Variants in NIPA2 observed in about 807,000 individuals in gnomAD.
The protein encoded by NIPA2 is magnesium transporter NIPA2.
Under a neutral mutation model 29.7 loss-of-function variants are expected in NIPA2, and 11 were observed. The observed-to-expected ratio is 0.37, with a 90% CI of 0.23 to 0.61. The LOEUF (loss-of-function observed/expected upper bound fraction) is 0.61. Ranked by LOEUF, NIPA2 falls within the 20% of genes least tolerant of loss-of-function variation. The pLI, the probability that NIPA2 is intolerant of heterozygous loss-of-function variation, is 0.66. For synonymous variants in NIPA2, 183 were observed against 161.9 expected (o/e 1.13, Z -0.99); for missense variants, 426 against 437.9 (o/e 0.97, Z 0.24).
In NIPA2 at chr15:22,866,932, CAA is replaced by C; in HGVS notation, c.*87_*88del. The C allele has an allele frequency of 7.9e-7, 1 of 1,271,240 alleles. No individual in the cohort carries two copies. Among genetic ancestry groups the C allele is most frequent in the Non-Finnish European group, 1.1e-6 (1 of 926,870 alleles). The allele number at this position is 1,271,240 out of a possible 1,614,324, so 78.7% of individuals were successfully genotyped here. Reference sequence around the variant, plus strand: ...AATGTGTCTGAAAAAACATTGTCCTCAAATAATGTTCTTTAAAGGCAATCTTT... The same window carrying C: ...AATGTGTCTGAAAAAACATTGTCCTCATAATGTTCTTTAAAGGCAATCTTT... On this transcript the variant is annotated 3_prime_UTR_variant, in exon 8 of 8. Transcript: ENST00000337451.
chr15:22,854,253 G>C (rs2058015421), intron 5 of NIPA2, among the ~76,000 whole-genome samples: 1 of 151,720 alleles, frequency 6.6e-6, no homozygotes, highest in Admixed American at 6.6e-5. Context: ...TCATCCTCCT[G>C]AGTAGCTGGA....
intron 5 of NIPA2, among the ~76,000 whole-genome samples, chr15:22,854,874 C>T (rs895042917): frequency 5.3e-5 from 8 of 152,050 alleles, no homozygotes; most frequent in Admixed American, 1.3e-4. Context: ...TTAAATGGAA[C>T]GACAAGGCTT....
rs548460869 is a variant in NIPA2 at position 22,850,424 on chromosome 15, G to A, written c.-93-1215G>A. Reference sequence around the variant, plus strand: ...CAAGCGGCAAATCAGGGGTGAGGGAGAATAGTCTTCTCATTGAATCATACA... The same window carrying A: ...CAAGCGGCAAATCAGGGGTGAGGGAAAATAGTCTTCTCATTGAATCATACA... On this transcript the variant is annotated intron_variant, in intron 3 of 7. Coordinates refer to ENST00000337451, the MANE Select transcript of NIPA2 (RefSeq NM_030922.7). Among the ~76,000 whole-genome samples the A allele has an allele frequency of 1.2e-3, 179 of 152,282 alleles. 2 individuals carry two copies. Among genetic ancestry groups the A allele is most frequent in the African/African-American group, 4.0e-3 (167 of 41,548 alleles).
intron 5 of NIPA2, among the ~76,000 whole-genome samples, 188 bp downstream of exon 5, chr15:22,853,456 C>T (rs2057929275): frequency 6.6e-6 from 1 of 151,522 alleles, no homozygotes; most frequent in East Asian, 1.9e-4. Context: ...TCAGTGCAAC[C>T]TCCACCTCCT....
intron 3 of NIPA2, among the ~76,000 whole-genome samples, chr15:22,846,146 A>G (rs1357996199): frequency 2.0e-5 from 3 of 152,190 alleles, no homozygotes; most frequent in Admixed American, 1.3e-4. Flanking sequence ...ACGGAGAACC[A>G]GGGGCTGCGG....
chr15:22,866,371 A>G lies in NIPA2; in HGVS notation c.607A>G (p.Ile203Val), dbSNP rs1350531883. ...CTGTGTGAAGGGCCTGGGCATTGCT[A>G]TCAAGGAGCTGTTTGCAGGGAAGCC... is the stretch of plus-strand genomic sequence containing the variant. ...VSCVKGLGIA[I>V]KELFAGKPVL... The change falls in exon 8 of 8, where the codon ATC (isoleucine) becomes GTC (valine). Residue 203 changes from isoleucine (I) to valine (V), a missense_variant. Ile to Val is a conservative substitution (Grantham distance 29). This residue lies in a region of NIPA2 where 357 missense variants were observed against 339.8 expected (regional missense o/e 1.05). Transcript: ENST00000337451. 3 of 1,613,958 alleles carry G rather than the reference A, an allele frequency of 1.9e-6. No homozygotes were observed. Among genetic ancestry groups the G allele is most frequent in the Non-Finnish European group, 2.5e-6 (3 of 1,179,996 alleles).
chr15:22,846,592 C>T (rs1386123864), intron 3 of NIPA2, among the ~76,000 whole-genome samples: 3 of 151,956 alleles, frequency 2.0e-5, no homozygotes, highest in African/African-American at 4.8e-5. Context: ...GCAGGCAGAT[C>T]GCTTGAGCTC....
chr15:22,843,993 G>A (rs891208688), intron 2 of NIPA2, among the ~76,000 whole-genome samples: 7 of 152,024 alleles, frequency 4.6e-5, no homozygotes, highest in South Asian at 2.1e-4. Flanking sequence ...CGCCGTGCTC[G>A]GCCCAGTTGG....
intron 3 of NIPA2, among the ~76,000 whole-genome samples, chr15:22,846,904 T>TG (rs1163890685): frequency 2.7e-5 from 4 of 146,988 alleles, no homozygotes; most frequent in Admixed American, 2.0e-4. Context: ...TTGTTGTTGT[T>TG]TTTTTTTTGT....
chr15:22,867,340 T>TATTA lies in NIPA2; in HGVS notation c.*495_*498dup, dbSNP rs2059169367. ...TGATTGGTTTTATTTTTGAAATATT[T>TATTA]ATTAAGGGAAAACTAAGTTACTGAA... is the stretch of plus-strand genomic sequence containing the variant. On this transcript the variant is annotated 3_prime_UTR_variant, in exon 8 of 8. Transcript: ENST00000337451. 1.0e-5 allele frequency: 4 copies of TATTA among 396,296 alleles called. No individual in the cohort carries two copies. The South Asian group carries it at 4.0e-4, about 39-fold the overall frequency. 24.5% of individuals were successfully genotyped at this position (396,296 alleles called of 1,614,324 possible).
At chr15:22,855,884 G>A (rs904796290) in intron 5 of NIPA2, among the ~76,000 whole-genome samples, 1 of 152,162 alleles carries the variant, frequency 6.6e-6, no homozygotes, top group African/African-American at 2.4e-5. Flanking sequence ...GTGATACATA[G>A]CCCTCAGTGA....
At chr15:22,843,051 G>T (rs1230464316) in intron 2 of NIPA2, among the ~76,000 whole-genome samples, 3 of 151,782 alleles carry the variant, frequency 2.0e-5, no homozygotes, top group Non-Finnish European at 4.4e-5. Flanking sequence ...AACAAATGAT[G>T]CAGGGTCTTT....
chr15:22,856,829 C>T (rs75224931), intron 5 of NIPA2, among the ~76,000 whole-genome samples: 133 of 152,272 alleles, frequency 8.7e-4, no homozygotes, highest in African/African-American at 3.0e-3. Context: ...AGCTCTCATA[C>T]GCTGCTAAAT....
intron 2 of NIPA2, among the ~76,000 whole-genome samples, chr15:22,844,655 T>C (rs1388201765): frequency 6.6e-6 from 1 of 151,936 alleles, no homozygotes; most frequent in Non-Finnish European, 1.5e-5. Context: ...TTTGAGCAGC[T>C]GAGGTCAGAG....
chr15:22,862,013 A>C (rs1276553292), intron 7 of NIPA2, among the ~76,000 whole-genome samples: 1 of 148,092 alleles, frequency 6.8e-6, no homozygotes, highest in Non-Finnish European at 1.5e-5. Flanking sequence ...TTGGGATTAC[A>C]GGTGTGAGCC....
At chr15:22,863,301 C>T (rs984921385) in intron 7 of NIPA2, among the ~76,000 whole-genome samples, 4 of 152,068 alleles carry the variant, frequency 2.6e-5, no homozygotes, top group Admixed American at 6.5e-5. Context: ...CTGGGCTGGT[C>T]TCAACCTACT....
Position 22,866,222 on chromosome 15 carries a change from TCTTTG to T in NIPA2, c.460_464del (p.Phe154AsnfsTer79). 6.2e-7 allele frequency: 1 copy of T among 1,608,964 alleles called. No individual in the cohort carries two copies. Among genetic ancestry groups the T allele is most frequent in the Non-Finnish European group, 8.5e-7 (1 of 1,175,922 alleles). ...TCTTTGCCTCCTCCAGGTTTTGTGG[TCTTTG>T]CAACCCTTGTGGTCATTGTGGCCTT... On this transcript the variant is annotated frameshift_variant, in exon 8 of 8. Coordinates refer to ENST00000337451, the MANE Select transcript of NIPA2 (RefSeq NM_030922.7). LOFTEE classifies it high-confidence loss of function.
intron 5 of NIPA2, among the ~76,000 whole-genome samples, chr15:22,856,539 A>C (rs547617733): frequency 1.3e-5 from 2 of 152,270 alleles, no homozygotes; most frequent in Admixed American, 1.3e-4. Flanking sequence ...CATTTTGGGA[A>C]TTAAAGAAGA....
intron 5 of NIPA2, among the ~76,000 whole-genome samples, chr15:22,857,737 C>T (rs2881455): frequency 0.21 from 30,634 of 146,886 alleles, 3,336 homozygotes; most frequent in Admixed American, 0.32. Context: ...CTCGGGAGGC[C>T]GAGGCAGGAG....
Sources: gnomAD v4.1 joint callset for allele counts (sites outside exome capture counted in the v4.1 genomes callset) on GRCh38, gnomAD v4.1.1 for gene constraint, gnomAD v4.1.1 regional missense constraint, MANE v1.5 for transcripts, NCBI Gene and HGNC (gene_info 2026-07-23, HGNC 2026-07-21) for gene names.